ADGRD1: variants seen among roughly 807,000 people sequenced by gnomAD.
ADGRD1 encodes the protein G-protein coupled receptor 133.
In ADGRD1, 77 loss-of-function variants were observed where a neutral mutation model predicts 113.4. That is an observed-to-expected ratio of 0.68 (90% CI 0.57 to 0.82). The LOEUF (loss-of-function observed/expected upper bound fraction) is 0.82, where lower values mean the gene tolerates loss of function less well. Ranked by LOEUF, ADGRD1 falls within the 40% of genes least tolerant of loss-of-function variation. The probability of loss-of-function intolerance (pLI) is 0.00; values close to 1 mark genes in which losing one functional copy is unlikely to be tolerated. For synonymous variants in ADGRD1, 474 were observed against 475.0 expected, an observed-to-expected ratio of 1.00 and a Z score of 0.03; for missense variants, 1,036 against 1,139.1, an observed-to-expected ratio of 0.91 and a Z score of 1.30.
At chr12:131,080,664 A>T (rs760542184) in intron 14 of ADGRD1, among the ~76,000 whole-genome samples, 1 of 152,166 alleles carries the variant, frequency 6.6e-6, no homozygotes, top group Non-Finnish European at 1.5e-5. Context: ...TCTGTAACCC[A>T]GGCTGGAGTG....
intron 13 of ADGRD1, among the ~76,000 whole-genome samples, chr12:131,065,166 C>T (rs2137105324): frequency 6.6e-6 from 1 of 152,348 alleles, no homozygotes. Context: ...ATCTGCTCTG[C>T]AAATCTTAAA....
chr12:131,069,026 C>T (rs1368397322), intron 13 of ADGRD1, among the ~76,000 whole-genome samples: 1 of 152,186 alleles, frequency 6.6e-6, no homozygotes, highest in Non-Finnish European at 1.5e-5. Context: ...TGAAAGATGC[C>T]ATTAGATGGA....
chr12:131,127,421 G>A (rs916350454), intron 20 of ADGRD1, among the ~76,000 whole-genome samples: 1 of 152,236 alleles, frequency 6.6e-6, no homozygotes, highest in Non-Finnish European at 1.5e-5. Flanking sequence ...ACGCTTTATA[G>A]CCTCCAGAGG....
intron 4 of ADGRD1, among the ~76,000 whole-genome samples, chr12:130,974,516 G>A (rs1015330307): frequency 1.3e-5 from 2 of 152,162 alleles, no homozygotes; most frequent in African/African-American, 2.4e-5. Flanking sequence ...CATTGAATTA[G>A]CCTTTTCAGA....
At chr12:131,069,794 C>T (rs35471515) in intron 13 of ADGRD1, 9,105 of 152,080 alleles carry the variant, frequency 0.06, 311 homozygotes, top group Middle Eastern at 0.14. Flanking sequence ...TTTTTGTATT[C>T]GGCACAAAAA....
rs1480166089 is a variant in ADGRD1, at chr12:131,084,625, A to G, written c.1633A>G (p.Thr545Ala). The change falls in exon 15 of 25, where the codon ACC (threonine) becomes GCC (alanine). Residue 545 changes from threonine to alanine, a missense_variant. Thr to Ala is a moderately conservative substitution (Grantham distance 58). Coordinates refer to ENST00000261654, the MANE Select transcript of ADGRD1 (RefSeq NM_198827.5). The surrounding 1 kb of genome is among the most constrained non-coding windows in gnomAD (Gnocchi z 4.5). ...TYSVCRCTHL[T>A]NFAILMQVVP... ...CTCCGTCTGCCGCTGCACTCACCTC[A>G]CCAACTTTGCCATCCTCATGCAGGT... The G allele has an allele frequency of 6.2e-7, 1 of 1,613,746 alleles. No individual in the cohort carries two copies. Among genetic ancestry groups the G allele is most frequent in the East Asian group, 2.2e-5 (1 of 44,848 alleles).
chr12:131,106,113 C>T (rs1011244427), intron 17 of ADGRD1, among the ~76,000 whole-genome samples: 2 of 152,180 alleles, frequency 1.3e-5, no homozygotes, highest in African/African-American at 2.4e-5. Context: ...ACCAGCTACG[C>T]GCGAGGCACC....
chr12:131,084,728 G>A lies in ADGRD1; in HGVS notation c.1671+65G>A, dbSNP rs957689187. 8.9e-6 allele frequency: 14 copies of A among 1,571,534 alleles called. No homozygotes were observed. Among genetic ancestry groups the A allele is most frequent in the South Asian group, 6.8e-5 (6 of 88,486 alleles). On this transcript the variant is annotated intron_variant, in intron 15 of 24. Transcript: ENST00000261654. The surrounding 1 kb of genome is among the most constrained non-coding windows in gnomAD (Gnocchi z 4.5). ...GTACCATGAGGCTGCAGGTGGGGGC[G>A]GGAGGATGCTTTGCCCGCCAGTGCC...
rs781764791 is a variant in ADGRD1, at chr12:131,104,890, C to T, written c.1731C>T (p.Ser577=). 229 of 1,551,448 alleles carry T rather than the reference C, an allele frequency of 1.5e-4. No individual in the cohort carries two copies. Among genetic ancestry groups the T allele is most frequent in the Non-Finnish European group, 1.9e-4 (222 of 1,147,262 alleles). ...SSISYVGCSL[S]VLCLVATLVT... ...TCAGCTATGTGGGCTGCTCCCTCTC[C>T]GTGCTCTGCCTGGTGGCCACGCTGG... Residue 577 remains serine, a synonymous_variant, in exon 16 of 25, where the codon TCC becomes TCT. Coordinates refer to ENST00000261654, the MANE Select transcript of ADGRD1 (RefSeq NM_198827.5).
At chr12:130,987,029 G>A in intron 5 of ADGRD1, 66 bp from the exon 6 acceptor site, 2 of 1,455,980 alleles carry the variant, frequency 1.4e-6, no homozygotes, top group South Asian at 2.4e-5. Flanking sequence ...CTACAAACAG[G>A]AAAAACCTGT....
intron 4 of ADGRD1, chr12:130,978,938 G>C (rs1446903018): frequency 1.3e-5 from 2 of 152,262 alleles, no homozygotes; most frequent in Non-Finnish European, 2.9e-5. Context: ...GAGGCTTGGG[G>C]GTTTGTCCTG....
At chr12:131,054,634 C>T (rs55867335) in intron 13 of ADGRD1, among the ~76,000 whole-genome samples, 10,601 of 152,174 alleles carry the variant, frequency 0.07, 403 homozygotes, top group Middle Eastern at 0.099. Flanking sequence ...CTGTTCTGGG[C>T]GCTTCCTTCC....
At chr12:131,031,647 GGC>G (rs889281440) in intron 13 of ADGRD1, among the ~76,000 whole-genome samples, 1 of 151,744 alleles carries the variant, frequency 6.6e-6, no homozygotes, top group Non-Finnish European at 1.5e-5. Flanking sequence ...GGAGTTCTGG[GGC>G]CCCTCTCCAC....
chr12:131,133,167 C>T (rs965017497), intron 21 of ADGRD1, among the ~76,000 whole-genome samples: 1 of 152,078 alleles, frequency 6.6e-6, no homozygotes, highest in Non-Finnish European at 1.5e-5. Flanking sequence ...CTGTCCCTTC[C>T]TCACCCCAGC....
At chr12:131,047,843 C>T (rs1346602867) in intron 13 of ADGRD1, among the ~76,000 whole-genome samples, 6 of 152,198 alleles carry the variant, frequency 3.9e-5, no homozygotes, top group African/African-American at 7.2e-5. Context: ...CTGCTGATGG[C>T]CTGCTTCTCC....
intron 13 of ADGRD1, among the ~76,000 whole-genome samples, chr12:131,046,799 GTCC>G (rs1021329557): frequency 8.1e-6 from 1 of 122,806 alleles, no homozygotes; most frequent in Non-Finnish European, 1.7e-5. Flanking sequence ...CCTGGTCAGT[GTCC>G]TCCCTGGGCA....
Position 131,087,383 on chromosome 12 carries a change from C to T in ADGRD1, c.1671+2720C>T, listed in dbSNP as rs892462691. 9.9e-5 allele frequency among the ~76,000 whole-genome samples: 15 copies of T among 152,166 alleles called. No homozygotes were observed. The South Asian group carries it at 1.0e-3, about 11-fold the overall frequency. On this transcript the variant is annotated intron_variant, in intron 15 of 24. Coordinates refer to ENST00000261654, the MANE Select transcript of ADGRD1 (RefSeq NM_198827.5). The stretch of plus-strand genomic sequence containing the variant: ...GGAGCCTGGACCCAGGAGCCCTTGG[C>T]GCTGCGTGAGATGAAATGTCAGGTG...
intron 5 of ADGRD1, 33 bp from the exon 6 acceptor site, chr12:130,987,062 G>T (rs1247780516): frequency 1.2e-6 from 2 of 1,605,112 alleles, no homozygotes; most frequent in Non-Finnish European, 1.7e-6. Flanking sequence ...CATTCCCACA[G>T]TACTCAGAAT....
chr12:131,076,045 G>A (rs565701159), intron 13 of ADGRD1, among the ~76,000 whole-genome samples: 14 of 152,292 alleles, frequency 9.2e-5, no homozygotes, highest in Middle Eastern at 6.8e-3. Flanking sequence ...ATTTAGGGTA[G>A]AGCATAGCTG....
Sources: allele counts gnomAD v4.1 joint callset (sites outside exome capture counted in the v4.1 genomes callset), GRCh38; gene constraint gnomAD v4.1.1; non-coding constraint Gnocchi (gnomAD v3.1); transcripts MANE v1.5; gene names NCBI Gene and HGNC (gene_info 2026-07-23, HGNC 2026-07-21).